Variants in ERN2 observed in about 807,000 individuals in gnomAD.
ERN2 encodes endoplasmic reticulum to nucleus signaling 2.
Under a neutral mutation model 107.9 loss-of-function variants are expected in ERN2, and 111 were observed. The observed-to-expected ratio is 1.03, with a 90% confidence interval of 0.88 to 1.20. ERN2 has a LOEUF of 1.20. Ranked by LOEUF, ERN2 falls within the 50% of genes most tolerant of loss-of-function variation. ERN2 has a pLI of 0.00. For synonymous variants in ERN2, 524 were observed against 501.7 expected, an observed-to-expected ratio of 1.04 and a Z score of -0.59; for missense variants, 1,225 against 1,197.9, an observed-to-expected ratio of 1.02 and a Z score of -0.33.
intron 6 of ERN2, 125 bp from the exon 7 acceptor site, chr16:23,706,556 G>A (rs762581615): frequency 1.9e-5 from 15 of 786,944 alleles, no homozygotes; most frequent in Non-Finnish European, 3.0e-5. Flanking sequence ...GGAAGCCTGT[G>A]AACATCACAG....
chr16:23,703,437 A>G (rs1181436361), intron 8 of ERN2, among the ~76,000 whole-genome samples: 1 of 152,158 alleles, frequency 6.6e-6, no homozygotes, highest in Non-Finnish European at 1.5e-5. Flanking sequence ...CTTCTAATAT[A>G]TCTTACACTC....
intron 5 of ERN2, 59 bp from the exon 6 acceptor site, chr16:23,706,920 C>A: frequency 1.3e-6 from 2 of 1,572,862 alleles, no homozygotes; most frequent in Non-Finnish European, 1.7e-6. Context: ...TGTGGCCCCG[C>A]CACTCTTGTG....
intron 14 of ERN2, 151 bp downstream of exon 14, chr16:23,695,743 A>C (rs914454638): frequency 1.4e-4 from 86 of 599,792 alleles, no homozygotes; most frequent in Admixed American, 2.7e-4. Context: ...AAAAAAAAAA[A>C]AAAACAGATA....
At chr16:23,704,012 A>G (rs764679251) in intron 8 of ERN2, among the ~76,000 whole-genome samples, 1 of 152,142 alleles carries the variant, frequency 6.6e-6, no homozygotes, top group Non-Finnish European at 1.5e-5. Flanking sequence ...GTTATTTGCT[A>G]TTGTACTCCC....
chr16:23,707,265 A>G, intron 4 of ERN2, 186 bp from the exon 5 acceptor site: 1 of 605,402 alleles, frequency 1.7e-6, no homozygotes, highest in Non-Finnish European at 3.0e-6. Flanking sequence ...ACTAAATGGC[A>G]GAGCCTGGCC....
At position 23,691,418 on chromosome 16, in the gene ERN2, C is replaced by G. The variant is rs756502086; in HGVS notation, c.2384G>C (p.Ser795Thr). ...CTCGGACTCCTTCTCCAGCCAGTCA[C>G]TGACGTCCTGGGGCCCAGAGAGCTC... Reference protein sequence around the residue: ...AKQLQFFQDVSDWLEKESEQE... With the variant: ...AKQLQFFQDVTDWLEKESEQE... The change falls in exon 20 of 22, where the codon AGT (serine) becomes ACT (threonine). Residue 795 changes from serine (S) to threonine (T), a missense_variant. Physicochemically the swap from Ser to Thr is moderately conservative, Grantham distance 58. Coordinates refer to ENST00000256797, the MANE Select transcript of ERN2 (RefSeq NM_033266.4). The G allele has an allele frequency of 1.3e-6, 2 of 1,599,012 alleles. No individual in the cohort carries two copies. Among genetic ancestry groups the G allele is most frequent in the South Asian group, 1.1e-5 (1 of 90,866 alleles).
intron 4 of ERN2, among the ~76,000 whole-genome samples, chr16:23,707,623 G>T (rs1960373207): frequency 6.6e-6 from 1 of 152,222 alleles, no homozygotes; most frequent in African/African-American, 2.4e-5. Context: ...TCTGAGGCAG[G>T]AGGATCGCTT....
rs765874202 is a variant in ERN2, at chr16:23,694,802, G to C, written c.2026C>G (p.Leu676Val). ...KLPAGRCSFS[L>V]HSGIPGTEGW... is the part of the protein sequence containing the mutation. ...TCCGTGCCGGGGATGCCGGAGTGGA[G>C]GCTGAAGCTACAGCGGCCAGCAGGC... Residue 676 changes from leucine to valine, a missense_variant, in exon 17 of 22, where the codon CTC (leucine) becomes GTC (valine). Physicochemically the swap from Leu to Val is conservative, Grantham distance 32. Coordinates refer to ENST00000256797, the MANE Select transcript of ERN2 (RefSeq NM_033266.4). 4 of 1,613,786 alleles carry C rather than the reference G, an allele frequency of 2.5e-6. No individual in the cohort carries two copies. Among genetic ancestry groups the C allele is most frequent in the Non-Finnish European group, 8.5e-7 (1 of 1,179,942 alleles).
At chr16:23,702,954 G>A (rs1171716959) in intron 8 of ERN2, among the ~76,000 whole-genome samples, 2 of 152,006 alleles carry the variant, frequency 1.3e-5, no homozygotes, top group Non-Finnish European at 1.5e-5. Context: ...AGGCTAGCCT[G>A]CTGGGGTGTG....
rs770399091 is a variant in ERN2 at position 23,706,392 on chromosome 16, A to G, written c.527T>C (p.Leu176Pro). The change falls in exon 7 of 22, where the codon CTG becomes CCG. Residue 176 changes from leucine to proline, a missense_variant. Leu to Pro is a moderately conservative substitution (Grantham distance 98). Transcript: ENST00000256797. ...VTMHDPRAPA[L>P]RWNTTYRRYS... ...GCGGCGGTAGGTGGTGTTCCAGCGC[A>G]GGGCTGGGGCTCTTGGGTCATGCAT... The G allele has an allele frequency of 3.2e-6, 5 of 1,574,806 alleles. No individual in the cohort carries two copies. The highest frequency in any genetic ancestry group is 1.2e-5 in the South Asian group (1 of 85,768).
rs1256123382 is a variant in ERN2, at chr16:23,706,354, G to A, written c.565C>T (p.Pro189Ser). The A allele has an allele frequency of 7.7e-6, 12 of 1,553,586 alleles. No homozygotes were observed. The highest frequency in any genetic ancestry group is 9.5e-6 in the Non-Finnish European group (11 of 1,153,588). The change falls in exon 7 of 22, where the codon CCC becomes TCC. Residue 189 changes from proline (P) to serine (S), a missense_variant. By Grantham distance (74) the Pro-to-Ser change is moderately conservative. Transcript: ENST00000256797. Reference sequence around the variant, plus strand: ...CATTTCCCAGGTGAGCCATCCATGGGGGGCGCTGAGTAGCGGCGGTAGGTG... The same window carrying A: ...CATTTCCCAGGTGAGCCATCCATGGAGGGCGCTGAGTAGCGGCGGTAGGTG... ...NTTYRRYSAP[P>S]MDGSPGKYMS...
Position 23,690,822 on chromosome 16 carries a change from C to T in ERN2, c.*9G>A, listed in dbSNP as rs1183576899. 4 of 1,605,220 alleles carry T rather than the reference C, an allele frequency of 2.5e-6. No homozygotes were observed. The highest frequency in any genetic ancestry group is 3.3e-5 in the Admixed American group (2 of 59,966). ...GCACGGAGACCATCTGTGTGGCATC[C>T]AGCCCACCTCACCTCCCTGTGGCCC... On this transcript the variant is annotated 3_prime_UTR_variant, in exon 22 of 22. Coordinates refer to ENST00000256797, the MANE Select transcript of ERN2 (RefSeq NM_033266.4).
At chr16:23,711,991 C>G (rs1308487854) in intron 1 of ERN2, 1 of 437,576 alleles carries the variant, frequency 2.3e-6, no homozygotes, top group South Asian at 1.6e-5. Context: ...CCTGGGCTCA[C>G]TCACCTGCTC....
intron 5 of ERN2, 51 bp downstream of exon 5, chr16:23,706,956 C>T: frequency 6.3e-7 from 1 of 1,588,212 alleles, no homozygotes; most frequent in South Asian, 1.1e-5. Flanking sequence ...CGACTTAGAT[C>T]CCTGCCTCTG....
At position 23,710,159 on chromosome 16, in the gene ERN2, A is replaced by G. The variant is rs201395972; in HGVS notation, c.306+13T>C. ...TGGCTCTCACCCATTCCCGAACACC[A>G]TGGGATACAAACCATTAATCCCTGT... On this transcript the variant is annotated intron_variant, in intron 4 of 21. Transcript: ENST00000256797. 1.9e-5 allele frequency: 30 copies of G among 1,600,358 alleles called. No individual in the cohort carries two copies. In the East Asian group the frequency reaches 6.2e-4, roughly 33 times the overall value.
intron 1 of ERN2, chr16:23,712,726 A>C: frequency 2.2e-5 from 5 of 223,246 alleles, no homozygotes; most frequent in Non-Finnish European, 2.6e-5. Context: ...TTCTCAGCAG[A>C]GGGCCCTGAA....
chr16:23,709,238 G>A (rs1473963926), intron 4 of ERN2: 3 of 453,184 alleles, frequency 6.6e-6, no homozygotes, highest in Non-Finnish European at 8.9e-6. Flanking sequence ...CGAGGCTGCA[G>A]TGAGCCTTGT....
intron 19 of ERN2, 62 bp downstream of exon 19, chr16:23,691,901 T>C: frequency 6.4e-7 from 1 of 1,569,338 alleles, no homozygotes; most frequent in Admixed American, 2.0e-5. Context: ...ATATCCCATT[T>C]CTTATTGCCC....
In ERN2 at chr16:23,702,672, A is replaced by C. The variant is rs1960136364; in HGVS notation, c.885T>G (p.Thr295=). 1.2e-6 allele frequency: 2 copies of C among 1,614,220 alleles called. No homozygotes were observed. The highest frequency in any genetic ancestry group is 1.7e-6 in the Non-Finnish European group (2 of 1,180,016). The part of the protein sequence containing the change: ...LMTLYVGKDE[T]GFYVSKALVH... ...CCAGTGCTTTAGAGACATAGAAGCCAGTTTCATCCTTCCCCACATACAGCG... is the reference window on the plus strand; with the variant it reads ...CCAGTGCTTTAGAGACATAGAAGCCCGTTTCATCCTTCCCCACATACAGCG... Residue 295 remains threonine (T), a synonymous_variant, in exon 9 of 22, where the codon ACT becomes ACG. Transcript: ENST00000256797.
Sources: allele counts gnomAD v4.1 joint callset (sites outside exome capture counted in the v4.1 genomes callset), GRCh38; gene constraint gnomAD v4.1.1; transcripts MANE v1.5; gene names NCBI Gene and HGNC (gene_info 2026-07-23, HGNC 2026-07-21).